MGMT: variants seen among roughly 807,000 people sequenced by gnomAD.
The protein encoded by MGMT is methylated-DNA--protein-cysteine methyltransferase.
A neutral mutation model predicts 15.9 loss-of-function variants in MGMT; 14 were observed. That is an observed-to-expected ratio of 0.88 (90% CI 0.58 to 1.37). The LOEUF is 1.37. Among genes scored for constraint, MGMT ranks in the 40% most tolerant of loss-of-function variants. The pLI, the probability that MGMT is intolerant of heterozygous loss-of-function variation, is 0.00. For synonymous variants in MGMT, 130 were observed against 118.2 expected, an observed-to-expected ratio of 1.10 and a Z score of -0.65; for missense variants, 282 against 268.1, an observed-to-expected ratio of 1.05 and a Z score of -0.36.
In MGMT at chr10:129,510,455, G is replaced by A. The variant is rs552045901; in HGVS notation, c.-12-25786G>A. On this transcript the variant is annotated intron_variant, in intron 1 of 4. Coordinates refer to ENST00000651593, the MANE Select transcript of MGMT (RefSeq NM_002412.5). ...GGATGACAAATATGATAGGAACCAC[G>A]TGTCTTGGGGAAAACACTGGAATTG... Among the ~76,000 whole-genome samples the A allele has an allele frequency of 4.6e-5, 7 of 152,242 alleles. No homozygotes were observed. In the East Asian group the frequency reaches 5.8e-4, roughly 13 times the overall value.
chr10:129,513,749 C>T (rs1429185278), intron 1 of MGMT, among the ~76,000 whole-genome samples: 1 of 152,198 alleles, frequency 6.6e-6, no homozygotes. Flanking sequence ...TGAGTTTTAT[C>T]ACACTCTTGC....
intron 2 of MGMT, among the ~76,000 whole-genome samples, chr10:129,595,370 A>G (rs1846739253): frequency 6.6e-6 from 1 of 152,182 alleles, no homozygotes; most frequent in Admixed American, 6.5e-5. Context: ...GGAATTTCCT[A>G]GAGAAAACGT....
chr10:129,590,074 A>G (rs573544708), intron 2 of MGMT, among the ~76,000 whole-genome samples: 28 of 152,304 alleles, frequency 1.8e-4, no homozygotes, highest in South Asian at 6.2e-4. Flanking sequence ...ATATCAGGCC[A>G]TGGGTTCCCT....
At chr10:129,742,917 C>T (rs1366124643) in intron 3 of MGMT, among the ~76,000 whole-genome samples, 3 of 151,012 alleles carry the variant, frequency 2.0e-5, no homozygotes, top group African/African-American at 7.3e-5. Context: ...GCCCCACCAC[C>T]GCAGCTGCCC....
At chr10:129,625,410 T>C (rs1031059248) in intron 2 of MGMT, among the ~76,000 whole-genome samples, 1 of 152,228 alleles carries the variant, frequency 6.6e-6, no homozygotes, top group East Asian at 1.9e-4. Flanking sequence ...GTGTCAAGGA[T>C]GTTTGAGAAA....
intron 2 of MGMT, among the ~76,000 whole-genome samples, chr10:129,620,038 GC>G (rs1564739261): frequency 6.6e-6 from 1 of 152,226 alleles, no homozygotes; most frequent in East Asian, 1.9e-4. Context: ...AACTATGTCA[GC>G]CTGACAGACC....
At chr10:129,506,713 C>A (rs959812379) in intron 1 of MGMT, among the ~76,000 whole-genome samples, 1 of 152,098 alleles carries the variant, frequency 6.6e-6, no homozygotes, top group Non-Finnish European at 1.5e-5. Context: ...GCCATTTGTA[C>A]AACTCCATAC....
chr10:129,522,003 G>A (rs901133075), intron 1 of MGMT, among the ~76,000 whole-genome samples: 5 of 152,232 alleles, frequency 3.3e-5, no homozygotes, highest in African/African-American at 9.6e-5. Flanking sequence ...GGTCTGGACC[G>A]AGCAGGCAGC....
chr10:129,650,419 C>G (rs1847443470), intron 2 of MGMT, among the ~76,000 whole-genome samples: 1 of 152,178 alleles, frequency 6.6e-6, no homozygotes, highest in African/African-American at 2.4e-5. Flanking sequence ...GGGTGCTATT[C>G]TTACCTTTGG....
At chr10:129,467,414 ACC>A in intron 1 of MGMT, 118 bp downstream of exon 1, 4 of 1,358,352 alleles carry the variant, frequency 2.9e-6, no homozygotes, top group Non-Finnish European at 3.8e-6. Flanking sequence ...GGCCGCCCTG[ACC>A]CCCACCCATC....
At chr10:129,708,187 G>A (rs987526472) in intron 3 of MGMT, 144 bp downstream of exon 3, 11 of 1,152,438 alleles carry the variant, frequency 9.5e-6, no homozygotes, top group Non-Finnish European at 1.2e-5. Context: ...CGAGCTGGAG[G>A]GACGGGGGTT....
At chr10:129,521,029 C>T (rs1009509933) in intron 1 of MGMT, among the ~76,000 whole-genome samples, 25 of 152,160 alleles carry the variant, frequency 1.6e-4, no homozygotes, top group Non-Finnish European at 2.8e-4. Context: ...AGGCTTGCCC[C>T]GCCACCTGCT....
intron 2 of MGMT, among the ~76,000 whole-genome samples, chr10:129,619,449 G>C (rs1277177337): frequency 6.6e-6 from 1 of 152,096 alleles, no homozygotes; most frequent in Non-Finnish European, 1.5e-5. Flanking sequence ...CGGGATACTG[G>C]TCTGCAGTTT....
chr10:129,588,737 C>G (rs1298729388), intron 2 of MGMT, among the ~76,000 whole-genome samples: 1 of 152,260 alleles, frequency 6.6e-6, no homozygotes, highest in Non-Finnish European at 1.5e-5. Flanking sequence ...TGCCAGCACA[C>G]TGACATCACA....
At position 129,678,675 on chromosome 10, in the gene MGMT, G is replaced by A. The variant is rs181070079; in HGVS notation, c.126-29220G>A. On this transcript the variant is annotated intron_variant, in intron 2 of 4. Coordinates refer to ENST00000651593, the MANE Select transcript of MGMT (RefSeq NM_002412.5). ...ATGTAACCAAACCCTCAGTGCCTGG[G>A]GCGAAATCCACTCCCTAATGTTTTA... 6.6e-5 allele frequency among the ~76,000 whole-genome samples: 10 copies of A among 152,222 alleles called. No individual in the cohort carries two copies. The East Asian group carries it at 1.2e-3, about 18-fold the overall frequency.
intron 2 of MGMT, among the ~76,000 whole-genome samples, chr10:129,621,367 T>A (rs1486836630): frequency 6.6e-6 from 1 of 152,240 alleles, no homozygotes; most frequent in Non-Finnish European, 1.5e-5. Flanking sequence ...TGGTTGTGAC[T>A]TTTTCCTTTA....
intron 2 of MGMT, among the ~76,000 whole-genome samples, chr10:129,604,333 C>A (rs1332982462): frequency 1.3e-5 from 2 of 152,118 alleles, no homozygotes; most frequent in African/African-American, 4.8e-5. Context: ...TAAGTCATGC[C>A]TGTTGTTACA....
At chr10:129,602,385 A>G (rs928921822) in intron 2 of MGMT, among the ~76,000 whole-genome samples, 3 of 152,190 alleles carry the variant, frequency 2.0e-5, no homozygotes, top group African/African-American at 7.2e-5. Context: ...ACCTGAGCCT[A>G]GAGCCCAGGA....
Position 129,770,162 on chromosome 10 carries a change from C to G in MGMT, c.*3165C>G, listed in dbSNP as rs1453177735. Reference sequence around the variant, plus strand: ...TCCCGTTTGGAGGGGCCAAGCAAGTCCAATATAGATAGGTTTATACTGAAG... The same window carrying G: ...TCCCGTTTGGAGGGGCCAAGCAAGTGCAATATAGATAGGTTTATACTGAAG... On this transcript the variant is annotated 3_prime_UTR_variant, in exon 5 of 5. Coordinates refer to ENST00000651593, the MANE Select transcript of MGMT (RefSeq NM_002412.5). Among the ~76,000 whole-genome samples, 2 of 152,160 alleles carry G rather than the reference C, an allele frequency of 1.3e-5. No individual in the cohort carries two copies. The highest frequency in any genetic ancestry group is 2.9e-5 in the Non-Finnish European group (2 of 68,028).
Sources: allele counts gnomAD v4.1 joint callset (sites outside exome capture counted in the v4.1 genomes callset), GRCh38; gene constraint gnomAD v4.1.1; transcripts MANE v1.5; gene names NCBI Gene and HGNC (gene_info 2026-07-23, HGNC 2026-07-21).